ZNF614: variants seen among roughly 807,000 people sequenced by gnomAD.
ZNF614 encodes zinc finger protein 614.
In ZNF614, 11 loss-of-function variants were observed where a neutral mutation model predicts 12.8. That is an observed-to-expected ratio of 0.86 (90% CI 0.54 to 1.43). The LOEUF is 1.43. Among genes scored for constraint, ZNF614 ranks in the 40% most tolerant of loss-of-function variants. The probability of loss-of-function intolerance (pLI) is 0.00; values close to 1 mark genes in which losing one functional copy is unlikely to be tolerated. For synonymous variants in ZNF614, 237 were observed against 237.5 expected, an observed-to-expected ratio of 1.00 and a Z score of 0.02; for missense variants, 664 against 708.8, an observed-to-expected ratio of 0.94 and a Z score of 0.72.
chr19:52,022,574 T>TTG (rs2086938964), intron 2 of ZNF614, among the ~76,000 whole-genome samples: 1 of 151,726 alleles, frequency 6.6e-6, no homozygotes, highest in South Asian at 2.1e-4. Context: ...TTAAAATTTT[T>TTG]AAATTGGAGA....
chr19:52,023,369 A>C (rs1021212686), intron 2 of ZNF614, among the ~76,000 whole-genome samples: 6 of 151,928 alleles, frequency 3.9e-5, no homozygotes, highest in African/African-American at 1.2e-4. Flanking sequence ...GGCTTTCACC[A>C]TGTAGGCCAG....
rs538235131 is a variant in ZNF614, at chr19:52,016,455, G to T, written c.1143C>A (p.Thr381=). 6.2e-7 allele frequency: 1 copy of T among 1,613,712 alleles called. No homozygotes were observed. Among genetic ancestry groups the T allele is most frequent in the East Asian group, 2.2e-5 (1 of 44,874 alleles). Reference sequence around the variant, plus strand: ...GATGTACAATGAGATTGCTCTTCACGGTAAAGCCTTTTCCACATTCACTGC... The same window carrying T: ...GATGTACAATGAGATTGCTCTTCACTGTAAAGCCTTTTCCACATTCACTGC... The part of the protein sequence containing the change: ...YMCSECGKGF[T]VKSNLIVHQR... The change falls in exon 5 of 5, where the codon ACC becomes ACA. Residue 381 remains threonine, a synonymous_variant. Coordinates refer to ENST00000270649, the MANE Select transcript of ZNF614 (RefSeq NM_025040.4).
rs147115452 is a variant in ZNF614, at chr19:52,027,730, T to C, written c.-217+512A>G. 8.5e-5 allele frequency among the ~76,000 whole-genome samples: 13 copies of C among 152,216 alleles called. No individual in the cohort carries two copies. The East Asian group carries it at 2.5e-3, about 29-fold the overall frequency. ...AAGAATATGATAATTTAAAAACGTA[T>C]GAAGCAAAACAGAATGAGAGAGGAT... On this transcript the variant is annotated intron_variant, in intron 1 of 4. Transcript: ENST00000270649.
At chr19:52,019,866 A>G (rs967876262) in intron 2 of ZNF614, among the ~76,000 whole-genome samples, 1 of 152,248 alleles carries the variant, frequency 6.6e-6, no homozygotes, top group Non-Finnish European at 1.5e-5. Context: ...GGAAATACTG[A>G]TAAGAGAATC....
chr19:52,025,919 C>T lies in ZNF614; in HGVS notation c.-174G>A. Reference sequence around the variant, plus strand: ...CAACCTCCTTCTTCTTCCTTCATTGCTTCACTTGAGTTATTTTGCTTCTGG... The same window carrying T: ...CAACCTCCTTCTTCTTCCTTCATTGTTTCACTTGAGTTATTTTGCTTCTGG... On this transcript the variant is annotated 5_prime_UTR_variant, in exon 2 of 5. Coordinates refer to ENST00000270649, the MANE Select transcript of ZNF614 (RefSeq NM_025040.4). 1 of 652,420 alleles carries T rather than the reference C, an allele frequency of 1.5e-6. No individual in the cohort carries two copies. 40.4% of individuals were successfully genotyped at this position (652,420 alleles called of 1,614,324 possible).
chr19:52,017,717 AT>A lies in ZNF614; in HGVS notation c.238+290del, dbSNP rs1423672879. 9 of 329,056 alleles carry A rather than the reference AT, an allele frequency of 2.7e-5. No individual in the cohort carries two copies. The Admixed American group carries it at 3.1e-4, about 11-fold the overall frequency. 20.4% of individuals were successfully genotyped at this position (329,056 alleles called of 1,614,324 possible). On this transcript the variant is annotated intron_variant, in intron 4 of 4. Coordinates refer to ENST00000270649, the MANE Select transcript of ZNF614 (RefSeq NM_025040.4). ...CTCAGTCTAAAAAAAAAAAAAAAAA[AT>A]CTTAGCTTATGAGATGATTTGCTGG...
intron 2 of ZNF614, among the ~76,000 whole-genome samples, chr19:52,019,205 A>G (rs1382499110): frequency 6.6e-6 from 1 of 152,218 alleles, no homozygotes; most frequent in Non-Finnish European, 1.5e-5. Context: ...TAATGGACAG[A>G]TTAACAGCAT....
chr19:52,022,462 C>T (rs1053311362), intron 2 of ZNF614, among the ~76,000 whole-genome samples: 1 of 152,214 alleles, frequency 6.6e-6, no homozygotes, highest in South Asian at 2.1e-4. Context: ...AGCGCCTTTG[C>T]GCGGCTGCTG....
chr19:52,026,779 ACCG>A (rs2086977510), intron 1 of ZNF614, among the ~76,000 whole-genome samples: 1 of 152,156 alleles, frequency 6.6e-6, no homozygotes, highest in Non-Finnish European at 1.5e-5. Context: ...ATAGGAGAAA[ACCG>A]CCTTAGGGCT....
intron 2 of ZNF614, among the ~76,000 whole-genome samples, chr19:52,023,045 C>T (rs1302433949): frequency 2.1e-5 from 3 of 141,970 alleles, no homozygotes; most frequent in South Asian, 2.3e-4. Flanking sequence ...TGCCAGTGCC[C>T]GCCAGCCTGG....
Position 52,013,697 on chromosome 19 carries a change from T to G in ZNF614, c.*2143A>C, listed in dbSNP as rs1267810299. 6.6e-6 allele frequency: 1 copy of G among 152,182 alleles called. No individual in the cohort carries two copies. Among genetic ancestry groups the G allele is most frequent in the African/African-American group, 2.4e-5 (1 of 41,444 alleles). 9.4% of individuals were successfully genotyped at this position (152,182 alleles called of 1,614,324 possible). ...AGAAAAGTGGTTGGCAGAGTTAGGT[T>G]TGGATGGAGTGTAAGCATAAAAAGG... On this transcript the variant is annotated 3_prime_UTR_variant, in exon 5 of 5. Transcript: ENST00000270649.
chr19:52,026,880 A>T (rs542630839), intron 1 of ZNF614, among the ~76,000 whole-genome samples: 64 of 152,218 alleles, frequency 4.2e-4, no homozygotes, highest in Non-Finnish European at 7.8e-4. Flanking sequence ...ACGTTTCCTT[A>T]AACTTATTTA....
intron 2 of ZNF614, among the ~76,000 whole-genome samples, chr19:52,023,647 G>A (rs974287127): frequency 6.6e-6 from 1 of 152,168 alleles, no homozygotes; most frequent in African/African-American, 2.4e-5. Context: ...TTCTCAGGAA[G>A]AAATTCCAAG....
intron 1 of ZNF614, among the ~76,000 whole-genome samples, chr19:52,027,024 T>G (rs936344210): frequency 1.3e-5 from 2 of 152,222 alleles, no homozygotes; most frequent in Non-Finnish European, 2.9e-5. Flanking sequence ...CAGAGACCAG[T>G]GCCAGCGTGG....
At chr19:52,023,073 C>T (rs1204591559) in intron 2 of ZNF614, among the ~76,000 whole-genome samples, 1 of 116,978 alleles carries the variant, frequency 8.5e-6, no homozygotes. Flanking sequence ...AGTGAGACGC[C>T]ATCTCAAAAA....
At chr19:52,022,201 ACAATT>A (rs1213398700) in intron 2 of ZNF614, among the ~76,000 whole-genome samples, 2 of 152,366 alleles carry the variant, frequency 1.3e-5, no homozygotes, top group East Asian at 1.9e-4. Flanking sequence ...TAGATGTCCA[ACAATT>A]CAATTCAATT....
Position 52,018,081 on chromosome 19 carries a change from A to C in ZNF614, c.165T>G (p.Asp55Glu). ...GTCCATGTGCCAACTTGGAGAGTAC[A>C]TCTGGTTTGCTAGTTTGATACCCTG... ...VSLGYQTSKP[D>E]VLSKLAHGQE... Residue 55 changes from aspartate (D) to glutamate (E), a missense_variant, in exon 4 of 5, where the codon GAT becomes GAG. Coordinates refer to ENST00000270649, the MANE Select transcript of ZNF614 (RefSeq NM_025040.4). The C allele has an allele frequency of 6.2e-7, 1 of 1,614,120 alleles. No homozygotes were observed. The highest frequency in any genetic ancestry group is 8.5e-7 in the Non-Finnish European group (1 of 1,180,000).
rs2086901824 is a variant in ZNF614 at position 52,016,872 on chromosome 19, T to C, written c.726A>G (p.Arg242=). 6.2e-7 allele frequency: 1 copy of C among 1,614,062 alleles called. No homozygotes were observed. The highest frequency in any genetic ancestry group is 8.5e-7 in the Non-Finnish European group (1 of 1,180,004). Residue 242 remains arginine (R), a synonymous_variant, in exon 5 of 5, where the codon AGA becomes AGG. Transcript: ENST00000270649. ...TCAGATGCTTAGTGAACAGGACACT[T>C]CTGGATAATTTCTCACATTGACCAC... is the stretch of plus-strand genomic sequence containing the variant. ...PGSGQCEKLS[R]SVLFTKHLKT... is the part of the protein sequence containing the mutation.
At chr19:52,020,690 T>G (rs1289935488) in intron 2 of ZNF614, among the ~76,000 whole-genome samples, 1 of 152,186 alleles carries the variant, frequency 6.6e-6, no homozygotes, top group Non-Finnish European at 1.5e-5. Context: ...AATCACTTAG[T>G]GCGCTTTTTG....
Sources: allele counts gnomAD v4.1 joint callset (sites outside exome capture counted in the v4.1 genomes callset), GRCh38; gene constraint gnomAD v4.1.1; transcripts MANE v1.5; gene names NCBI Gene and HGNC (gene_info 2026-07-23, HGNC 2026-07-21).